The following AMMECR1 variants were observed in gnomAD, a reference collection of about 807,000 sequenced individuals.
The protein encoded by AMMECR1 is AMMECR nuclear protein 1, also known as nuclear protein AMMECR1.
AMMECR1 carries 3 observed loss-of-function variants against 22.5 expected under a neutral mutation model. That is an observed-to-expected ratio of 0.13 (90% CI 0.06 to 0.35). The LOEUF (loss-of-function observed/expected upper bound fraction) is 0.35. Among genes scored for constraint, AMMECR1 ranks in the 10% least tolerant of loss-of-function variants. AMMECR1 has a pLI of 1.00. For synonymous variants in AMMECR1, 130 were observed against 116.7 expected (o/e 1.11, Z -0.74); for missense variants, 235 against 278.7 (o/e 0.84, Z 1.12).
intron 1 of AMMECR1, among the ~76,000 whole-genome samples, chrX:110,302,042 C>T (rs1378490480): frequency 8.9e-6 from 1 of 111,738 alleles, no homozygotes. Flanking sequence ...ACCATAAGCA[C>T]ATAGTCCTAC....
chrX:110,201,132 G>A lies in AMMECR1; in HGVS notation c.791-82C>T, dbSNP rs1602773415. On this transcript the variant is annotated intron_variant, in intron 4 of 5. Transcript: ENST00000262844. ...ATTAAATACAAAATGACTTTGTAGAGGTCAGCTATCACTGTCACCAAATGC... is the reference window on the plus strand; with the variant it reads ...ATTAAATACAAAATGACTTTGTAGAAGTCAGCTATCACTGTCACCAAATGC... The A allele has an allele frequency of 6.8e-6, 4 of 585,083 alleles. No homozygotes were observed. In the East Asian group the frequency reaches 1.4e-4, roughly 21 times the overall value. 48.2% of individuals were successfully genotyped at this position (585,083 alleles called of 1,213,427 possible). A position where few individuals can be genotyped will look rare whatever the true frequency, so the allele number is the denominator to read the frequency against.
chrX:110,405,100 C>CG (rs1491459309), intron 2 of AMMECR1, among the ~76,000 whole-genome samples: 4 of 100,220 alleles, frequency 4.0e-5, no homozygotes, highest in East Asian at 6.4e-4. Context: ...CCCCCCCCCC[C>CG]CAAGCATGAG....
intron 2 of AMMECR1, among the ~76,000 whole-genome samples, chrX:110,228,309 C>T (rs2067544286): frequency 9.0e-6 from 1 of 111,110 alleles, no homozygotes. Context: ...AGGTGTCCTC[C>T]AAGAACAAGG....
chrX:110,248,541 G>A (rs1389926648), intron 2 of AMMECR1, among the ~76,000 whole-genome samples: 1 of 111,950 alleles, frequency 8.9e-6, no homozygotes, highest in East Asian at 2.8e-4. Flanking sequence ...ACCAGTCACG[G>A]ATATATTTGT....
At chrX:110,220,728 C>T (rs1011342308) in intron 2 of AMMECR1, among the ~76,000 whole-genome samples, 8 of 111,497 alleles carry the variant, frequency 7.2e-5, no homozygotes, top group African/African-American at 2.3e-4. Context: ...CAAATTGGCA[C>T]CTTCTCAAGA....
At chrX:110,201,667 T>G (rs1001220507) in intron 4 of AMMECR1, among the ~76,000 whole-genome samples, 2 of 111,866 alleles carry the variant, frequency 1.8e-5, no homozygotes, top group African/African-American at 6.5e-5. Flanking sequence ...AGTAACTGCC[T>G]TGAAGACTTT....
At chrX:110,266,627 C>T (rs1049816124) in intron 1 of AMMECR1, among the ~76,000 whole-genome samples, 7 of 110,098 alleles carry the variant, frequency 6.4e-5, no homozygotes, top group African/African-American at 9.9e-5. Context: ...GTGATCTGCC[C>T]GCCTGAGCCT....
At chrX:110,263,280 A>G (rs1444431571) in intron 2 of AMMECR1, among the ~76,000 whole-genome samples, 1 of 111,587 alleles carries the variant, frequency 9.0e-6, no homozygotes, top group Non-Finnish European at 1.9e-5. Flanking sequence ...TTATTTCCAG[A>G]ATATGTGTTT....
At chrX:110,300,686 T>C (rs1022430016) in intron 1 of AMMECR1, among the ~76,000 whole-genome samples, 7 of 112,375 alleles carry the variant, frequency 6.2e-5, no homozygotes, top group Middle Eastern at 4.2e-3. Flanking sequence ...TTTTACATTC[T>C]ACACTATAAC....
intron 2 of AMMECR1, among the ~76,000 whole-genome samples, chrX:110,227,928 G>C (rs769830325): frequency 8.9e-6 from 1 of 111,910 alleles, no homozygotes; most frequent in East Asian, 2.8e-4. Flanking sequence ...AAGCACAAGG[G>C]GGATCAGGAA....
intron 1 of AMMECR1, among the ~76,000 whole-genome samples, chrX:110,303,744 T>C (rs1349555540): frequency 8.9e-6 from 1 of 112,662 alleles, no homozygotes; most frequent in Admixed American, 9.4e-5. Flanking sequence ...CATTTACTTA[T>C]AGACATAAAC....
At chrX:110,285,395 A>G (rs1054009499) in intron 1 of AMMECR1, among the ~76,000 whole-genome samples, 4 of 111,913 alleles carry the variant, frequency 3.6e-5, no homozygotes, top group African/African-American at 1.3e-4. Flanking sequence ...GACCAGTGGT[A>G]TACAAGAAGA....
At chrX:110,369,788 T>C (rs146126451) in intron 2 of AMMECR1, among the ~76,000 whole-genome samples, 4,939 of 112,144 alleles carry the variant, frequency 0.044, 107 homozygotes, top group African/African-American at 0.081. Context: ...TTTCTTTTTT[T>C]CTCACTTTAT....
intron 2 of AMMECR1, among the ~76,000 whole-genome samples, chrX:110,412,063 A>C (rs1293471216): frequency 8.8e-6 from 1 of 113,010 alleles, no homozygotes; most frequent in Admixed American, 9.3e-5. Flanking sequence ...TATTAAAAGG[A>C]ACACCAATCA....
intron 1 of AMMECR1, among the ~76,000 whole-genome samples, chrX:110,433,901 T>C (rs1452455438): frequency 2.7e-5 from 3 of 112,244 alleles, no homozygotes; most frequent in Admixed American, 9.4e-5. Context: ...GTACTGAGAA[T>C]ATAAAGAGGA....
intron 1 of AMMECR1, among the ~76,000 whole-genome samples, chrX:110,275,159 T>C (rs1266959206): frequency 3.6e-5 from 4 of 112,046 alleles, no homozygotes; most frequent in South Asian, 3.7e-4. Context: ...GCCACATTTA[T>C]CTGGCACTCT....
chrX:110,337,729 A>T (rs2068146594), intron 2 of AMMECR1, among the ~76,000 whole-genome samples: 1 of 112,300 alleles, frequency 8.9e-6, no homozygotes, highest in African/African-American at 3.2e-5. Context: ...TACCCAAATG[A>T]CTTGAAAACA....
intron 1 of AMMECR1, among the ~76,000 whole-genome samples, chrX:110,310,096 T>C (rs903718063): frequency 2.7e-5 from 3 of 112,582 alleles, no homozygotes; most frequent in Admixed American, 1.9e-4. Flanking sequence ...AGTCACAAAG[T>C]GGGGGAGTGA....
rs72618395 is a variant in AMMECR1, at chrX:110,267,397, A to T, written c.474-2798T>A. Among the ~76,000 whole-genome samples the T allele has an allele frequency of 5.4e-3, 554 of 102,101 alleles. 2 individuals are homozygous for T. Among genetic ancestry groups the T allele is most frequent in the African/African-American group, 0.014 (398 of 28,330 alleles). 88.7% of individuals were successfully genotyped at this position (102,101 alleles called of 115,157 possible). A position where few individuals can be genotyped will look rare whatever the true frequency, so the allele number is the denominator to read the frequency against. ...GCCATCCTGTCTCTTCTTTTTTTTT[A>T]AAAAAAAAAAAACTTTATTTTTTGA... On this transcript the variant is annotated intron_variant, in intron 1 of 5. Transcript: ENST00000262844.
Sources: gnomAD v4.1 joint callset for allele counts (sites outside exome capture counted in the v4.1 genomes callset) on GRCh38, gnomAD v4.1.1 for gene constraint, MANE v1.5 for transcripts, NCBI Gene and HGNC (gene_info 2026-07-23, HGNC 2026-07-21) for gene names.